SNTB2: variants seen among roughly 807,000 people sequenced by gnomAD.
The protein encoded by SNTB2 is beta-2-syntrophin.
In SNTB2, 34 loss-of-function variants were observed where a neutral mutation model predicts 46.2. The ratio of observed to expected loss-of-function variants is 0.74; its 90% CI spans 0.56 to 0.98. The LOEUF (loss-of-function observed/expected upper bound fraction) is 0.98. Ranked by LOEUF, SNTB2 falls within the 50% of genes least tolerant of loss-of-function variation. The pLI is 0.00. For synonymous variants in SNTB2, 290 were observed against 312.6 expected (o/e 0.93, Z 0.76); for missense variants, 603 against 731.4 (o/e 0.82, Z 2.02).
chr16:69,223,714 C>G (rs995565285), intron 1 of SNTB2, among the ~76,000 whole-genome samples: 1 of 151,686 alleles, frequency 6.6e-6, no homozygotes, highest in Non-Finnish European at 1.5e-5. Context: ...CTGCAAGCTC[C>G]GCCTTCTGGA....
At chr16:69,250,808 G>A (rs1314081718) in intron 2 of SNTB2, among the ~76,000 whole-genome samples, 1 of 151,758 alleles carries the variant, frequency 6.6e-6, no homozygotes, top group Non-Finnish European at 1.5e-5. Context: ...CCTGGGAGGC[G>A]GAGGTTGCAG....
intron 5 of SNTB2, among the ~76,000 whole-genome samples, chr16:69,296,355 C>T (rs1344946827): frequency 6.6e-6 from 1 of 152,226 alleles, no homozygotes; most frequent in South Asian, 2.1e-4. Context: ...CACACACACA[C>T]AGAATCACAC....
chr16:69,226,498 A>G (rs1964461763), intron 1 of SNTB2, among the ~76,000 whole-genome samples: 1 of 152,054 alleles, frequency 6.6e-6, no homozygotes. Context: ...ATTTTAATCC[A>G]TTATTGGCTC....
intron 3 of SNTB2, among the ~76,000 whole-genome samples, chr16:69,266,238 C>G (rs955486319): frequency 2.0e-5 from 3 of 152,158 alleles, no homozygotes; most frequent in Admixed American, 6.5e-5. Flanking sequence ...GTGGCGGACG[C>G]CTGTAATCCC....
chr16:69,295,230 ATTTTTTT>A (rs1160903028), intron 5 of SNTB2, among the ~76,000 whole-genome samples: 1,736 of 81,750 alleles, frequency 0.021, 31 homozygotes, highest in African/African-American at 0.087. Flanking sequence ...AACATACTGA[ATTTTTTT>A]TTTTTTTTTT....
chr16:69,252,397 T>A (rs1442920256), intron 2 of SNTB2, among the ~76,000 whole-genome samples: 2 of 152,206 alleles, frequency 1.3e-5, no homozygotes, highest in Non-Finnish European at 2.9e-5. Flanking sequence ...GGAGAGAACA[T>A]GAGCCCCTTC....
intron 3 of SNTB2, among the ~76,000 whole-genome samples, chr16:69,262,812 G>T (rs1964847650): frequency 1.3e-5 from 2 of 152,084 alleles, no homozygotes; most frequent in Non-Finnish European, 2.9e-5. Flanking sequence ...GAGTAGCTGG[G>T]ATTACAGGCA....
At chr16:69,251,942 TA>T (rs1224952306) in intron 2 of SNTB2, among the ~76,000 whole-genome samples, 1 of 152,144 alleles carries the variant, frequency 6.6e-6, no homozygotes, top group Non-Finnish European at 1.5e-5. Context: ...AACAATAAAA[TA>T]AAATAAACTG....
chr16:69,193,201 G>A, intron 1 of SNTB2, among the ~76,000 whole-genome samples: 1 of 149,446 alleles, frequency 6.7e-6, no homozygotes. Flanking sequence ...GATCATCCTG[G>A]TCAACCTAGT....
At position 69,187,260 on chromosome 16, in the gene SNTB2, C is replaced by T. The variant is rs1963997324; in HGVS notation, c.94C>T (p.Leu32=). Residue 32 remains leucine, a synonymous_variant, in exon 1 of 7, where the codon CTG becomes TTG. Transcript: ENST00000336278. ...ATKAGLVELL[L]RERWVRVVAE... is the part of the protein sequence containing the mutation. The stretch of plus-strand genomic sequence containing the variant: ...CAAAGCGGGGCTGGTGGAGCTGCTC[C>T]TGAGGGAGCGCTGGGTCCGAGTGGT... 2.0e-6 allele frequency: 3 copies of T among 1,488,738 alleles called. No individual in the cohort carries two copies. Among genetic ancestry groups the T allele is most frequent in the South Asian group, 2.5e-5 (2 of 78,742 alleles). 92.2% of individuals were successfully genotyped at this position (1,488,738 alleles called of 1,614,324 possible).
At chr16:69,231,219 A>G (rs1964503009) in intron 1 of SNTB2, 1 of 152,262 alleles carries the variant, frequency 6.6e-6, no homozygotes, top group African/African-American at 2.4e-5. Context: ...ATACAAAACA[A>G]GTTGTAACAT....
chr16:69,187,777 G>A, intron 1 of SNTB2, 31 bp downstream of exon 1: 1 of 1,324,706 alleles, frequency 7.5e-7, no homozygotes, highest in Non-Finnish European at 9.8e-7. Context: ...GGGTGGGCAG[G>A]CCGCGGCGGC....
chr16:69,226,088 T>C (rs1453048339), intron 1 of SNTB2, among the ~76,000 whole-genome samples: 2 of 151,564 alleles, frequency 1.3e-5, no homozygotes, highest in African/African-American at 4.9e-5. Context: ...TTTTGATTTT[T>C]CGAGAAGGAG....
chr16:69,204,108 G>T (rs1313133403), intron 1 of SNTB2, among the ~76,000 whole-genome samples: 1 of 151,942 alleles, frequency 6.6e-6, no homozygotes, highest in African/African-American at 2.4e-5. Context: ...GGCCAGGCTG[G>T]TCTCGAACTT....
At chr16:69,261,961 C>T (rs1410611808) in intron 3 of SNTB2, among the ~76,000 whole-genome samples, 1 of 151,880 alleles carries the variant, frequency 6.6e-6, no homozygotes, top group Non-Finnish European at 1.5e-5. Flanking sequence ...GTAAAACCAG[C>T]ACTTTGGGAG....
At chr16:69,257,768 A>G (rs1006560815) in intron 2 of SNTB2, among the ~76,000 whole-genome samples, 2 of 152,048 alleles carry the variant, frequency 1.3e-5, no homozygotes, top group African/African-American at 2.4e-5. Flanking sequence ...TATGTCTTCT[A>G]TTTTCTAGAA....
At chr16:69,207,658 A>G (rs1964237588) in intron 1 of SNTB2, among the ~76,000 whole-genome samples, 1 of 152,194 alleles carries the variant, frequency 6.6e-6, no homozygotes, top group African/African-American at 2.4e-5. Context: ...GAATTTTCAC[A>G]GGCTGACAAT....
At position 69,302,145 on chromosome 16, in the gene SNTB2, C is replaced by G. The variant is rs1006165580; in HGVS notation, c.*1221C>G. ...ACTATTGGCTTCACAGCACACCCTA[C>G]AGTGAGCAGGGTGATGAGACCGTGG... On this transcript the variant is annotated 3_prime_UTR_variant, in exon 7 of 7. Coordinates refer to ENST00000336278, the MANE Select transcript of SNTB2 (RefSeq NM_006750.4). 10 of 152,138 alleles carry G rather than the reference C, an allele frequency of 6.6e-5. No individual in the cohort carries two copies. The highest frequency in any genetic ancestry group is 2.4e-4 in the African/African-American group (10 of 41,438). The allele number at this position is 152,138 out of a possible 1,614,324, so 9.4% of individuals were successfully genotyped here.
At chr16:69,248,046 C>A (rs946774161) in intron 2 of SNTB2, among the ~76,000 whole-genome samples, 1 of 152,100 alleles carries the variant, frequency 6.6e-6, no homozygotes, top group Admixed American at 6.6e-5. Flanking sequence ...TCACTTGAAC[C>A]CAAGAGTTCA....
Sources: gnomAD v4.1 joint callset for allele counts (sites outside exome capture counted in the v4.1 genomes callset) on GRCh38, gnomAD v4.1.1 for gene constraint, MANE v1.5 for transcripts, NCBI Gene and HGNC (gene_info 2026-07-23, HGNC 2026-07-21) for gene names.